IP6K3: variants seen among roughly 807,000 people sequenced by gnomAD.
The protein encoded by IP6K3 is inositol hexakisphosphate kinase 3.
Under a neutral mutation model 28.8 loss-of-function variants are expected in IP6K3, and 20 were observed. The observed-to-expected ratio is 0.70, with a 90% confidence interval of 0.49 to 1.01. The LOEUF (loss-of-function observed/expected upper bound fraction) is 1.01. Among genes scored for constraint, IP6K3 ranks in the 50% least tolerant of loss-of-function variants. The pLI, the probability that IP6K3 is intolerant of heterozygous loss-of-function variation, is 0.00. For missense variants in IP6K3, 480 were observed against 537.1 expected (o/e 0.89, Z 1.05); for synonymous variants, 213 against 221.3 (o/e 0.96, Z 0.33).
the IP6K3 span, among the ~76,000 whole-genome samples, chr6:33,756,252 T>C: frequency 4.6e-5 from 7 of 152,262 alleles, no homozygotes; most frequent in South Asian, 1.2e-3. Flanking sequence ...TGGGGTGTAT[T>C]GGGGGTTTCA....
At chr6:33,753,872 G>A in the IP6K3 span, among the ~76,000 whole-genome samples, 2 of 152,148 alleles carry the variant, frequency 1.3e-5, no homozygotes, top group South Asian at 4.2e-4. Flanking sequence ...GCAGTGGCGC[G>A]ATCTCAGCTC....
rs1243486888 is a variant in IP6K3, at chr6:33,728,232, C to T, written c.268G>A (p.Glu90Lys). 1 of 1,614,202 alleles carries T rather than the reference C, an allele frequency of 6.2e-7. No individual in the cohort carries two copies. Among genetic ancestry groups the T allele is most frequent in the Non-Finnish European group, 8.5e-7 (1 of 1,180,054 alleles). Residue 90 changes from glutamate (E) to lysine (K), a missense_variant, in exon 3 of 6, where the codon GAG (glutamate) becomes AAG (lysine). Glu to Lys is a moderately conservative substitution (Grantham distance 56). Transcript: ENST00000293756. ...GAGACCTTGAAGGGCTCCTGGCTCT[C>T]CTTCACTGGGTTGGCAACCAAGCTG... ...HLSLVANPVK[E>K]SQEPFKVSTE...
intron 3 of IP6K3, 112 bp downstream of exon 3, chr6:33,727,975 C>A (rs2127351607): frequency 2.7e-6 from 4 of 1,472,888 alleles, no homozygotes; most frequent in African/African-American, 1.4e-5. Flanking sequence ...ATCTGAATTT[C>A]TTTTTCTCAG....
At chr6:33,740,109 C>T (rs1337301721) in intron 1 of IP6K3, among the ~76,000 whole-genome samples, 1 of 152,194 alleles carries the variant, frequency 6.6e-6, no homozygotes, top group African/African-American at 2.4e-5. Context: ...AGACAGTTGT[C>T]CCTGTCTTCA....
rs746751220 is a variant in IP6K3, at chr6:33,735,494, GT to G, written c.-19del. ...ACAACCATGGCGGCAGATGGTGGTG[GT>G]GGGGGGTCCCTGCACAGTCTGCTAG... On this transcript the variant is annotated 5_prime_UTR_variant, in exon 2 of 6. Transcript: ENST00000293756. The G allele has an allele frequency of 1.0e-5, 16 of 1,604,298 alleles. No individual in the cohort carries two copies. The Admixed American group carries it at 2.7e-4, about 27-fold the overall frequency.
chr6:33,724,411 C>T (rs1330131997), intron 5 of IP6K3, among the ~76,000 whole-genome samples: 3 of 152,162 alleles, frequency 2.0e-5, no homozygotes, highest in East Asian at 1.9e-4. Flanking sequence ...TAACGTTTAC[C>T]GTCAAATCAG....
chr6:33,741,010 G>A (rs952188046), intron 1 of IP6K3, among the ~76,000 whole-genome samples: 2 of 152,204 alleles, frequency 1.3e-5, no homozygotes, highest in Non-Finnish European at 2.9e-5. Context: ...TGGTATGATT[G>A]CAGCTGTGAA....
chr6:33,737,065 G>A (rs1479016927), intron 1 of IP6K3, among the ~76,000 whole-genome samples: 1 of 152,184 alleles, frequency 6.6e-6, no homozygotes, highest in East Asian at 1.9e-4. Context: ...GCGCAGGGTT[G>A]CGGCTGGCCA....
chr6:33,743,930 T>C (rs2127366208), intron 1 of IP6K3, among the ~76,000 whole-genome samples: 1 of 152,260 alleles, frequency 6.6e-6, no homozygotes, highest in African/African-American at 2.4e-5. Context: ...AATACGATTT[T>C]AATACAGAGA....
chr6:33,726,504 C>A (rs1243184243), intron 4 of IP6K3, among the ~76,000 whole-genome samples: 1 of 152,220 alleles, frequency 6.6e-6, no homozygotes, highest in African/African-American at 2.4e-5. Flanking sequence ...CAGTATAATT[C>A]CATCTGCCTT....
At chr6:33,759,764 T>C in the IP6K3 span, among the ~76,000 whole-genome samples, 1 of 151,696 alleles carries the variant, frequency 6.6e-6, no homozygotes, top group Admixed American at 6.6e-5. Context: ...TCCCAGCTAC[T>C]TGGGAGGCTG....
upstream of IP6K3, among the ~76,000 whole-genome samples, chr6:33,747,902 G>A (rs1037708787): frequency 7.2e-5 from 11 of 152,130 alleles, no homozygotes; most frequent in Non-Finnish European, 1.2e-4. This position sits in a 1 kb window ranked among gnomAD's most constrained non-coding sequence, Gnocchi z 5.2. Context: ...GCAGTGTGGG[G>A]AAGGAGACGG....
In IP6K3 at chr6:33,725,397, C is replaced by T. The variant is rs763230963; in HGVS notation, c.765+44G>A. 4.0e-5 allele frequency: 63 copies of T among 1,562,244 alleles called. No homozygotes were observed. The South Asian group carries it at 4.5e-4, about 11-fold the overall frequency. On this transcript the variant is annotated intron_variant, in intron 5 of 5. Coordinates refer to ENST00000293756, the MANE Select transcript of IP6K3 (RefSeq NM_054111.5). ...GGAGATATCCTTGCCCCACCGTGGA[C>T]GTGCCGGGATGTCCCCCCCTGTGGT...
chr6:33,726,277 T>C (rs1021156531), intron 4 of IP6K3, among the ~76,000 whole-genome samples: 2 of 152,164 alleles, frequency 1.3e-5, no homozygotes, highest in African/African-American at 4.8e-5. Flanking sequence ...CACTTCCCTC[T>C]CACTGTGTGG....
At chr6:33,737,137 C>G in intron 1 of IP6K3, among the ~76,000 whole-genome samples, 1 of 152,176 alleles carries the variant, frequency 6.6e-6, no homozygotes, top group East Asian at 1.9e-4. Context: ...CCTCCCCCTC[C>G]CACTCCTCTT....
chr6:33,734,453 C>G (rs898272946), intron 2 of IP6K3, among the ~76,000 whole-genome samples: 1 of 152,214 alleles, frequency 6.6e-6, no homozygotes, highest in South Asian at 2.1e-4. Flanking sequence ...TTATTGTCAC[C>G]TTCACCACCA....
rs567450686 is a variant in IP6K3, at chr6:33,735,317, G to A, written c.160C>T (p.Leu54=). The change falls in exon 2 of 6, where the codon CTG becomes TTG. Residue 54 remains leucine (L), a synonymous_variant. Coordinates refer to ENST00000293756, the MANE Select transcript of IP6K3 (RefSeq NM_054111.5). ...GTGAACCGCTTCATGGCCAGCGGCA[G>A]GGATTCATAGAACCTCTGCTCCCGG... ...VSREQRFYES[L]PLAMKRFTPQ... The A allele has an allele frequency of 6.2e-7, 1 of 1,610,854 alleles. No homozygotes were observed. Among genetic ancestry groups the A allele is most frequent in the East Asian group, 2.2e-5 (1 of 44,846 alleles).
upstream of IP6K3, among the ~76,000 whole-genome samples, chr6:33,748,011 T>C (rs1766959852): frequency 6.6e-6 from 1 of 152,102 alleles, no homozygotes; most frequent in African/African-American, 2.4e-5. Flanking sequence ...CAGGTCCAAG[T>C]AACCCTGGAC....
rs962013507 is a variant in IP6K3 at position 33,722,364 on chromosome 6, C to T, written c.*356G>A. 7 of 182,358 alleles carry T rather than the reference C, an allele frequency of 3.8e-5. No homozygotes were observed. Among genetic ancestry groups the T allele is most frequent in the Admixed American group, 5.4e-5 (1 of 18,674 alleles). The allele number at this position is 182,358 out of a possible 1,614,324, so 11.3% of individuals were successfully genotyped here. ...CAAGTTTTCTGCCTCACAGCTTGTG[C>T]GGACTGCAGCATGGCAACGAGTAAA... is the stretch of plus-strand genomic sequence containing the variant. On this transcript the variant is annotated 3_prime_UTR_variant, in exon 6 of 6. Coordinates refer to ENST00000293756, the MANE Select transcript of IP6K3 (RefSeq NM_054111.5).
Sources: gnomAD v4.1 joint callset for allele counts (sites outside exome capture counted in the v4.1 genomes callset) on GRCh38, gnomAD v4.1.1 for gene constraint, Gnocchi (gnomAD v3.1) non-coding constraint, MANE v1.5 for transcripts, NCBI Gene and HGNC (gene_info 2026-07-23, HGNC 2026-07-21) for gene names.